The following PKIA variants were observed in gnomAD, a reference collection of about 807,000 sequenced individuals.
The protein encoded by PKIA is PKI-alpha.
A neutral mutation model predicts 7.6 loss-of-function variants in PKIA; 4 were observed. The ratio of observed to expected loss-of-function variants is 0.52; its 90% CI spans 0.26 to 1.20. The LOEUF (loss-of-function observed/expected upper bound fraction) is 1.20, where lower values mean the gene tolerates loss of function less well. Among genes scored for constraint, PKIA ranks in the 50% most tolerant of loss-of-function variants. The probability of loss-of-function intolerance (pLI) is 0.13; values close to 1 mark genes in which losing one functional copy is unlikely to be tolerated. For synonymous variants in PKIA, 21 were observed against 30.7 expected (o/e 0.68, Z 1.04); for missense variants, 73 against 86.2 (o/e 0.85, Z 0.61).
chr8:78,564,424 G>A (rs1807358440), intron 1 of PKIA, among the ~76,000 whole-genome samples: 1 of 151,870 alleles, frequency 6.6e-6, no homozygotes, highest in Non-Finnish European at 1.5e-5. Flanking sequence ...TATATGTGAT[G>A]TTCAACTTTA....
intron 1 of PKIA, among the ~76,000 whole-genome samples, chr8:78,539,780 T>G (rs1327175179): frequency 1.3e-5 from 2 of 152,022 alleles, no homozygotes; most frequent in Non-Finnish European, 2.9e-5. Context: ...GAATTACATG[T>G]AATATAATTA....
intron 2 of PKIA, among the ~76,000 whole-genome samples, chr8:78,584,133 C>T (rs956998813): frequency 6.6e-6 from 1 of 151,716 alleles, no homozygotes; most frequent in Admixed American, 6.6e-5. Flanking sequence ...TATGATTAAC[C>T]CTGTTCTACA....
At chr8:78,523,332 ATCTT>A (rs1809452689) in intron 1 of PKIA, among the ~76,000 whole-genome samples, 1 of 151,884 alleles carries the variant, frequency 6.6e-6, no homozygotes, top group Non-Finnish European at 1.5e-5. Flanking sequence ...GTTTACCTCT[ATCTT>A]TATGGTTGTT....
chr8:78,596,865 G>A (rs1223917050), intron 2 of PKIA, among the ~76,000 whole-genome samples: 1 of 152,076 alleles, frequency 6.6e-6, no homozygotes, highest in East Asian at 1.9e-4. Context: ...TTTGTACATG[G>A]TAAAAGGAAA....
intron 3 of PKIA, among the ~76,000 whole-genome samples, chr8:78,600,412 G>A (rs747222739): frequency 6.6e-6 from 1 of 152,094 alleles, no homozygotes; most frequent in Non-Finnish European, 1.5e-5. Context: ...TATGTTTTCA[G>A]CATAATGCTA....
chr8:78,568,964 C>T (rs1372418997), intron 1 of PKIA, among the ~76,000 whole-genome samples: 1 of 152,098 alleles, frequency 6.6e-6, no homozygotes, highest in East Asian at 1.9e-4. Context: ...CAGTGTGGTT[C>T]AATGGAGAGC....
chr8:78,546,118 T>C (rs1292810697), intron 1 of PKIA, among the ~76,000 whole-genome samples: 3 of 152,202 alleles, frequency 2.0e-5, no homozygotes, highest in Non-Finnish European at 4.4e-5. Flanking sequence ...TCCATGGCTT[T>C]GTCGAATACA....
chr8:78,563,412 A>C (rs1235148056), intron 1 of PKIA, among the ~76,000 whole-genome samples: 2 of 152,198 alleles, frequency 1.3e-5, no homozygotes, highest in African/African-American at 4.8e-5. Context: ...TCCTTCATAC[A>C]GTTGTATATT....
intron 2 of PKIA, among the ~76,000 whole-genome samples, chr8:78,585,589 G>A (rs1447055442): frequency 6.6e-6 from 1 of 152,062 alleles, no homozygotes; most frequent in Non-Finnish European, 1.5e-5. Flanking sequence ...ATGCTATATA[G>A]GAAATTAGCA....
intron 2 of PKIA, among the ~76,000 whole-genome samples, chr8:78,597,300 G>C (rs1242528356): frequency 6.6e-6 from 1 of 152,030 alleles, no homozygotes; most frequent in African/African-American, 2.4e-5. Flanking sequence ...GAAATGAAAG[G>C]GTTTTGAGTA....
At chr8:78,516,637 T>C (rs1809320769) in intron 1 of PKIA, among the ~76,000 whole-genome samples, 169 bp downstream of exon 1, 1 of 152,048 alleles carries the variant, frequency 6.6e-6, no homozygotes, top group African/African-American at 2.4e-5. Flanking sequence ...AGTGCAGAGG[T>C]TGGAGGAGCA....
chr8:78,599,304 A>G (rs1808301299), intron 3 of PKIA, among the ~76,000 whole-genome samples: 1 of 152,042 alleles, frequency 6.6e-6, no homozygotes, highest in African/African-American at 2.4e-5. Context: ...CTTAAAAGTA[A>G]AAAGAATTCA....
At chr8:78,557,749 G>A (rs1744144523) in intron 1 of PKIA, among the ~76,000 whole-genome samples, 1 of 152,136 alleles carries the variant, frequency 6.6e-6, no homozygotes, top group Admixed American at 6.6e-5. Context: ...CTGTGATGGG[G>A]ACAGCTATGT....
At chr8:78,580,385 T>G (rs548807768) in intron 2 of PKIA, among the ~76,000 whole-genome samples, 6 of 152,170 alleles carry the variant, frequency 3.9e-5, no homozygotes, top group African/African-American at 1.4e-4. Flanking sequence ...CCACTTTCCT[T>G]TCCTCATCCT....
intron 2 of PKIA, among the ~76,000 whole-genome samples, chr8:78,596,497 C>T (rs973375839): frequency 1.3e-5 from 2 of 152,130 alleles, no homozygotes; most frequent in African/African-American, 2.4e-5. Flanking sequence ...CCTTGGCCTC[C>T]CAGAGTGCTG....
At chr8:78,582,457 G>C (rs1160674218) in intron 2 of PKIA, among the ~76,000 whole-genome samples, 1 of 151,962 alleles carries the variant, frequency 6.6e-6, no homozygotes, top group East Asian at 1.9e-4. Context: ...CACGAGAACA[G>C]CATGGGGGGA....
At chr8:78,558,150 C>T (rs926557629) in intron 1 of PKIA, among the ~76,000 whole-genome samples, 30 of 152,160 alleles carry the variant, frequency 2.0e-4, no homozygotes, top group Non-Finnish European at 3.8e-4. Context: ...AATACCGCTT[C>T]TGGATCCAAA....
intron 1 of PKIA, among the ~76,000 whole-genome samples, chr8:78,563,975 G>T (rs1807343970): frequency 6.6e-6 from 1 of 152,056 alleles, no homozygotes. Flanking sequence ...ACTACATACA[G>T]TGTGAATGGC....
intron 1 of PKIA, among the ~76,000 whole-genome samples, chr8:78,545,527 A>C (rs1806798341): frequency 6.6e-6 from 1 of 152,226 alleles, no homozygotes; most frequent in African/African-American, 2.4e-5. Context: ...ATCAGAACTT[A>C]GAATCCCTAG....
Sources: gnomAD v4.1 joint callset for allele counts (sites outside exome capture counted in the v4.1 genomes callset) on GRCh38, gnomAD v4.1.1 for gene constraint, MANE v1.5 for transcripts, NCBI Gene and HGNC (gene_info 2026-07-23, HGNC 2026-07-21) for gene names.